BPIFB1: variants seen among roughly 807,000 people sequenced by gnomAD.
BPIFB1 encodes the protein BPI fold containing family B member 1.
Under a neutral mutation model 55.1 loss-of-function variants are expected in BPIFB1, and 34 were observed. That is an observed-to-expected ratio of 0.62 (90% CI 0.47 to 0.82). The LOEUF (loss-of-function observed/expected upper bound fraction) is 0.82. Among genes scored for constraint, BPIFB1 ranks in the 40% least tolerant of loss-of-function variants. BPIFB1 has a pLI of 0.00. For synonymous variants in BPIFB1, 236 were observed against 245.3 expected (o/e 0.96, Z 0.35); for missense variants, 532 against 593.1 (o/e 0.90, Z 1.07).
At chr20:33,304,071 C>A in intron 12 of BPIFB1, 46 bp downstream of exon 12, 1 of 1,549,078 alleles carries the variant, frequency 6.5e-7, no homozygotes, top group South Asian at 1.1e-5. Flanking sequence ...GGAAATGAGT[C>A]CCGCCTGGTA....
chr20:33,304,864 G>C lies in BPIFB1; in HGVS notation c.1227G>C (p.Leu409=). The change falls in exon 13 of 16, where the codon CTG becomes CTC. Residue 409 remains leucine, a synonymous_variant. Coordinates refer to ENST00000253354, the MANE Select transcript of BPIFB1 (RefSeq NM_033197.3). ...ATTGCAGCTCTGATCGGATCCAGCT[G>C]ATGAACTCTGGGATTGGCTGGTTCC... ...LNNISSDRIQ[L]MNSGIGWFQP... is the part of the protein sequence containing the mutation. 6.2e-7 allele frequency: 1 copy of C among 1,614,186 alleles called. No homozygotes were observed. The highest frequency in any genetic ancestry group is 8.5e-7 in the Non-Finnish European group (1 of 1,180,018).
At chr20:33,295,765 A>G (rs1980627634) in intron 6 of BPIFB1, among the ~76,000 whole-genome samples, 1 of 146,296 alleles carries the variant, frequency 6.8e-6, no homozygotes. Flanking sequence ...AAAGAGAGAG[A>G]GAAGAAAGGA....
At chr20:33,302,547 G>A (rs1980887653) in intron 10 of BPIFB1, 135 bp downstream of exon 10, 2 of 979,864 alleles carry the variant, frequency 2.0e-6, no homozygotes, top group Middle Eastern at 2.1e-4. Context: ...TGTCCGCACA[G>A]AGATTTCAGT....
chr20:33,298,471 G>A (rs941376511), intron 7 of BPIFB1, among the ~76,000 whole-genome samples: 9 of 152,338 alleles, frequency 5.9e-5, no homozygotes, highest in African/African-American at 2.2e-4. Context: ...CATTCCAAGG[G>A]CGACCAGAGA....
At chr20:33,289,808 G>A (rs1471542998) in intron 3 of BPIFB1, 77 bp from the exon 4 acceptor site, 8 of 1,392,064 alleles carry the variant, frequency 5.7e-6, no homozygotes, top group Non-Finnish European at 8.2e-6. Flanking sequence ...CCAGGGAGAT[G>A]GAAAAGATAG....
At chr20:33,286,225 C>G in intron 2 of BPIFB1, 37 bp downstream of exon 2, 1 of 1,581,330 alleles carries the variant, frequency 6.3e-7, no homozygotes, top group Non-Finnish European at 8.7e-7. Context: ...TGCCATAAGA[C>G]AAGGGGGTAG....
intron 6 of BPIFB1, among the ~76,000 whole-genome samples, chr20:33,294,248 C>T (rs1980562627): frequency 6.6e-6 from 1 of 152,140 alleles, no homozygotes; most frequent in African/African-American, 2.4e-5. Context: ...ACTGATTCAG[C>T]CCAATTCAAG....
rs1265445598 is a variant in BPIFB1 at position 33,297,483 on chromosome 20, C to T, written c.598-42C>T. The T allele has an allele frequency of 4.4e-6, 7 of 1,608,612 alleles. No homozygotes were observed. In the South Asian group the frequency reaches 4.4e-5, roughly 10 times the overall value. ...CCCGGGGCTGCTGTGGGGCTGCATT[C>T]TGGCCCCTCCCTGATGGAGCCCCTT... On this transcript the variant is annotated intron_variant, in intron 6 of 15. Coordinates refer to ENST00000253354, the MANE Select transcript of BPIFB1 (RefSeq NM_033197.3).
rs575821976 is a variant in BPIFB1, at chr20:33,299,380, A to C, written c.662-519A>C. Among the ~76,000 whole-genome samples the C allele has an allele frequency of 5.3e-5, 8 of 152,326 alleles. No individual in the cohort carries two copies. The South Asian group carries it at 1.7e-3, about 32-fold the overall frequency. ...GCAGAGGAGCCAGTTTGGATTTCAGAGTAGATGTTACCAGGCCTCTGGCTT... is the reference window on the plus strand; with the variant it reads ...GCAGAGGAGCCAGTTTGGATTTCAGCGTAGATGTTACCAGGCCTCTGGCTT... On this transcript the variant is annotated intron_variant, in intron 7 of 15. Transcript: ENST00000253354.
intron 2 of BPIFB1, among the ~76,000 whole-genome samples, chr20:33,288,178 A>T (rs917459246): frequency 6.6e-6 from 1 of 152,208 alleles, no homozygotes; most frequent in Non-Finnish European, 1.5e-5. Context: ...CCTGCTCTGC[A>T]CATGAGCCAG....
intron 13 of BPIFB1, among the ~76,000 whole-genome samples, chr20:33,305,731 G>A (rs958873464): frequency 2.0e-5 from 3 of 152,100 alleles, no homozygotes; most frequent in African/African-American, 7.2e-5. Context: ...AAATTCAGCT[G>A]CAACAGAGTG....
At chr20:33,286,816 C>T (rs905947841) in intron 2 of BPIFB1, among the ~76,000 whole-genome samples, 1 of 152,174 alleles carries the variant, frequency 6.6e-6, no homozygotes, top group Admixed American at 6.5e-5. Flanking sequence ...TAACAGCATC[C>T]CTAACCCAAC....
chr20:33,288,476 A>C (rs1463770461), intron 2 of BPIFB1, among the ~76,000 whole-genome samples: 1 of 152,122 alleles, frequency 6.6e-6, no homozygotes, highest in Admixed American at 6.5e-5. Context: ...GACACTCCCC[A>C]CAGAGGCTGG....
intron 12 of BPIFB1, 91 bp downstream of exon 12, chr20:33,304,116 G>T: frequency 8.3e-7 from 1 of 1,202,722 alleles, no homozygotes. Flanking sequence ...CTTTGTGGCT[G>T]TCAGGTGAAG....
In BPIFB1 at chr20:33,302,353, C is replaced by T; in HGVS notation, c.928-6C>T. ...ACTGACCTTCTCTGGCTCCTCTCAC[C>T]CTCAGCTTCCTGAGAGTGCCCATCG... On this transcript the variant is annotated splice_polypyrimidine_tract_variant and splice_region_variant and intron_variant, in intron 9 of 15. Transcript: ENST00000253354. 6.2e-7 allele frequency: 1 copy of T among 1,613,956 alleles called. No individual in the cohort carries two copies. Among genetic ancestry groups the T allele is most frequent in the South Asian group, 1.1e-5 (1 of 91,068 alleles).
intron 3 of BPIFB1, 89 bp downstream of exon 3, chr20:33,288,971 A>G (rs1980362753): frequency 2.1e-6 from 3 of 1,422,588 alleles, no homozygotes; most frequent in Admixed American, 4.5e-5. Flanking sequence ...CCAGTCTGCA[A>G]GCATCGACTT....
Position 33,288,845 on chromosome 20 carries a change from G to A in BPIFB1, c.220G>A (p.Gly74Ser), listed in dbSNP as rs767421343. The A allele has an allele frequency of 2.4e-5, 38 of 1,613,758 alleles. No homozygotes were observed. Among genetic ancestry groups the A allele is most frequent in the Non-Finnish European group, 3.1e-5 (37 of 1,180,012 alleles). Residue 74 changes from glycine (G) to serine (S), a missense_variant, in exon 3 of 16, where the codon GGC becomes AGC. Gly to Ser is a moderately conservative substitution (Grantham distance 56). Coordinates refer to ENST00000253354, the MANE Select transcript of BPIFB1 (RefSeq NM_033197.3). Reference sequence around the variant, plus strand: ...GCCAGCCGGAGGCATCCCTGTGCTGGGCAGCCTGGTGAACACCGTCCTGAA... The same window carrying A: ...GCCAGCCGGAGGCATCCCTGTGCTGAGCAGCCTGGTGAACACCGTCCTGAA... Reference protein sequence around the residue: ...EKPAGGIPVLGSLVNTVLKHI... With the variant: ...EKPAGGIPVLSSLVNTVLKHI...
intron 8 of BPIFB1, 95 bp from the exon 9 acceptor site, chr20:33,301,138 G>C: frequency 7.7e-7 from 1 of 1,291,318 alleles, no homozygotes; most frequent in East Asian, 2.4e-5. Flanking sequence ...TGCACAAAAA[G>C]GAAACAGGCT....
chr20:33,302,474 G>A, intron 10 of BPIFB1, 62 bp downstream of exon 10: 2 of 1,563,912 alleles, frequency 1.3e-6, no homozygotes, highest in South Asian at 2.2e-5. Flanking sequence ...ACAGGCCTCT[G>A]GGGAGGAGAA....
Sources: gnomAD v4.1 joint callset for allele counts (sites outside exome capture counted in the v4.1 genomes callset) on GRCh38, gnomAD v4.1.1 for gene constraint, MANE v1.5 for transcripts, NCBI Gene and HGNC (gene_info 2026-07-23, HGNC 2026-07-21) for gene names.